SLC68A1: variants seen among roughly 807,000 people sequenced by gnomAD.
The protein encoded by SLC68A1 is solute carrier family 68 member 1, also known as major facilitator superfamily domain containing 13A.
the SLC68A1 span, chr10:102,472,954 AGT>A: frequency 6.2e-7 from 1 of 1,610,518 alleles, no homozygotes; most frequent in Non-Finnish European, 8.5e-7. Flanking sequence ...CTGTTGGGTG[AGT>A]GTGGACCTTG....
the SLC68A1 span, chr10:102,469,012 A>G: frequency 2.5e-6 from 4 of 1,605,856 alleles, no homozygotes; most frequent in Non-Finnish European, 2.5e-6. Flanking sequence ...TCCTGGGGCT[A>G]AGGCTGGGGC....
At chr10:102,469,122 T>A in the SLC68A1 span, 1 of 1,614,130 alleles carries the variant, frequency 6.2e-7, no homozygotes, top group Non-Finnish European at 8.5e-7. Flanking sequence ...TCCTGCACAA[T>A]GTCTTCCTGC....
the SLC68A1 span, chr10:102,473,482 C>T: frequency 7.4e-7 from 1 of 1,342,390 alleles, no homozygotes; most frequent in Non-Finnish European, 1.0e-6. Flanking sequence ...CGCTAGTGTA[C>T]AGGAATGCAG....
the SLC68A1 span, among the ~76,000 whole-genome samples, chr10:102,462,722 C>T: frequency 6.6e-6 from 1 of 152,218 alleles, no homozygotes; most frequent in Admixed American, 6.5e-5. Context: ...AGCATAGAAT[C>T]TTGCACAAGG....
the SLC68A1 span, chr10:102,476,055 T>TTTTTG: frequency 1.5e-6 from 2 of 1,329,192 alleles, no homozygotes; most frequent in Non-Finnish European, 1.9e-6. Context: ...TTTTTTGGTT[T>TTTTTG]TTTTTTTAAG....
the SLC68A1 span, chr10:102,468,876 T>C: frequency 6.4e-6 from 4 of 621,924 alleles, no homozygotes; most frequent in African/African-American, 7.4e-5. Flanking sequence ...GGAAATGAGT[T>C]TTTAAATGAT....
At chr10:102,476,595 G>GA in the SLC68A1 span, 1 of 985,994 alleles carries the variant, frequency 1.0e-6, no homozygotes, top group African/African-American at 1.7e-5. Flanking sequence ...GGCTGAGCCA[G>GA]AAGCATCACT....
At chr10:102,470,598 G>A in the SLC68A1 span, 3 of 1,560,920 alleles carry the variant, frequency 1.9e-6, no homozygotes, top group East Asian at 6.8e-5. Context: ...CTGGGGCCTG[G>A]GCAAGGGGAA....
chr10:102,475,752 C>A, the SLC68A1 span: 1 of 1,612,222 alleles, frequency 6.2e-7, no homozygotes, highest in Non-Finnish European at 8.5e-7. Flanking sequence ...TCCCTCATAA[C>A]CCCTGTGGGG....
chr10:102,471,243 G>A, the SLC68A1 span: 1 of 1,609,410 alleles, frequency 6.2e-7, no homozygotes, highest in Non-Finnish European at 8.5e-7. Flanking sequence ...GCCAGCCCCA[G>A]GCAGTTCTCC....
At chr10:102,463,893 A>C in the SLC68A1 span, among the ~76,000 whole-genome samples, 14 of 152,158 alleles carry the variant, frequency 9.2e-5, no homozygotes, top group Non-Finnish European at 1.6e-4. Flanking sequence ...CATGAACAAA[A>C]GTGTGGAGGT....
chr10:102,473,736 T>C, the SLC68A1 span: 3 of 1,612,582 alleles, frequency 1.9e-6, no homozygotes, highest in African/African-American at 4.0e-5. Flanking sequence ...GCCTCTTCAT[T>C]GCCAGGTATG....
chr10:102,472,033 C>T, the SLC68A1 span: 1 of 456,032 alleles, frequency 2.2e-6, no homozygotes, highest in South Asian at 1.6e-5. Flanking sequence ...TGCAGTGGCT[C>T]ACGCCTGTAA....
At chr10:102,469,552 G>T in the SLC68A1 span, among the ~76,000 whole-genome samples, 1 of 147,780 alleles carries the variant, frequency 6.8e-6, no homozygotes, top group South Asian at 2.1e-4. Context: ...AGGTTTTTTT[G>T]TTTTTTTTTT....
chr10:102,468,758 C>T, the SLC68A1 span: 2 of 342,320 alleles, frequency 5.8e-6, no homozygotes, highest in Admixed American at 8.6e-5. Flanking sequence ...CACAGGCTCT[C>T]TGTTTCCTCG....
chr10:102,465,735 G>C, the SLC68A1 span, among the ~76,000 whole-genome samples: 1 of 152,284 alleles, frequency 6.6e-6, no homozygotes, highest in East Asian at 1.9e-4. Context: ...GGAGAGGTGG[G>C]GCTGCTGTTC....
chr10:102,473,504 G>A, the SLC68A1 span: 1 of 1,496,038 alleles, frequency 6.7e-7, no homozygotes, highest in East Asian at 2.3e-5. Flanking sequence ...CGGCTGTGAA[G>A]CTGATGGCGC....
At chr10:102,464,058 C>A in the SLC68A1 span, among the ~76,000 whole-genome samples, 3 of 152,190 alleles carry the variant, frequency 2.0e-5, no homozygotes, top group African/African-American at 7.2e-5. Flanking sequence ...GTTGCCCCAG[C>A]TGGTCTCTAA....
chr10:102,475,024 G>GC, the SLC68A1 span, among the ~76,000 whole-genome samples: 46,788 of 151,164 alleles, frequency 0.31, 7,505 homozygotes, highest in Admixed American at 0.36. Flanking sequence ...GGGTGAGGTG[G>GC]CTCACACCTG....
Sources: allele counts gnomAD v4.1 joint callset (sites outside exome capture counted in the v4.1 genomes callset), GRCh38; gene constraint gnomAD v4.1.1; transcripts MANE v1.5; gene names NCBI Gene and HGNC (gene_info 2026-07-23, HGNC 2026-07-21).